The following GATAD1 variants were observed in gnomAD, a reference collection of about 807,000 sequenced individuals.
The protein encoded by GATAD1 is GATA zinc finger domain-containing protein 1.
A neutral mutation model predicts 26.5 loss-of-function variants in GATAD1; 12 were observed. The observed-to-expected ratio is 0.45, with a 90% CI of 0.29 to 0.73. The LOEUF is 0.73. Among genes scored for constraint, GATAD1 ranks in the 30% least tolerant of loss-of-function variants. The pLI is 0.10. For missense variants in GATAD1, 266 were observed against 342.1 expected (o/e 0.78, Z 1.75); for synonymous variants, 129 against 133.1 (o/e 0.97, Z 0.21).
chr7:92,457,476 CAAAA>C lies in GATAD1; in HGVS notation c.*917_*920del, dbSNP rs1266227526. The C allele has an allele frequency of 1.3e-5, 2 of 151,902 alleles. No individual in the cohort carries two copies. The highest frequency in any genetic ancestry group is 2.9e-5 in the Non-Finnish European group (2 of 67,972). The allele number at this position is 151,902 out of a possible 1,614,324, so 9.4% of individuals were successfully genotyped here. A position where few individuals can be genotyped will look rare whatever the true frequency, so the allele number is the denominator to read the frequency against. On this transcript the variant is annotated 3_prime_UTR_variant, in exon 5 of 5. Transcript: ENST00000287957. ...CAAGACTCCGTCTCAAAGAAACAAA[CAAAA>C]AATTAAAAGGGATAGAATATAATGA...
Position 92,456,429 on chromosome 7 carries a change from C to T in GATAD1, c.677C>T (p.Pro226Leu). The T allele has an allele frequency of 1.2e-6, 2 of 1,613,034 alleles. No individual in the cohort carries two copies. Among genetic ancestry groups the T allele is most frequent in the Non-Finnish European group, 1.7e-6 (2 of 1,179,012 alleles). The change falls in exon 5 of 5, where the codon CCT (proline) becomes CTT (leucine). Residue 226 changes from proline to leucine, a missense_variant. Physicochemically the swap from Pro to Leu is moderately conservative, Grantham distance 98 (BLOSUM62 -3). Coordinates refer to ENST00000287957, the MANE Select transcript of GATAD1 (RefSeq NM_021167.5). ...TACTTGGAATTTGTTTGTCATGCAC[C>T]TTCTGAGTATTTCAAGTCACGGTCA... ...MEYLEFVCHA[P>L]SEYFKSRSSP... is the part of the protein sequence containing the mutation.
At position 92,447,773 on chromosome 7, in the gene GATAD1, C is replaced by T. The variant is rs765561661; in HGVS notation, c.44C>T (p.Thr15Met). The T allele has an allele frequency of 8.0e-6, 12 of 1,498,518 alleles. No individual in the cohort carries two copies. In the South Asian group the frequency reaches 1.5e-4, roughly 19 times the overall value. The allele number at this position is 1,498,518 out of a possible 1,614,324, so 92.8% of individuals were successfully genotyped here. The change falls in exon 1 of 5, where the codon ACG (threonine) becomes ATG (methionine). Residue 15 changes from threonine to methionine, a missense_variant. Physicochemically the swap from Thr to Met is moderately conservative, Grantham distance 81 (BLOSUM62 -1). Transcript: ENST00000287957. Reference protein sequence around the residue: ...LKPTCSVCKTTSSSMWKKGAQ... With the variant: ...LKPTCSVCKTMSSSMWKKGAQ... ...CCCACCTGCAGCGTATGCAAGACCA[C>T]GTCGTCCTCCATGTGGAAGAAGGGA...
In GATAD1 at chr7:92,451,559, T is replaced by G. The variant is rs117567379; in HGVS notation, c.435+799T>G. On this transcript the variant is annotated intron_variant, in intron 3 of 4. Transcript: ENST00000287957. Reference sequence around the variant, plus strand: ...CAAGTGATGATGCCCTTAAGTATACTTTTTTTTAAGCCCACAATCTATATA... The same window carrying G: ...CAAGTGATGATGCCCTTAAGTATACGTTTTTTTAAGCCCACAATCTATATA... 4.9e-4 allele frequency among the ~76,000 whole-genome samples: 75 copies of G among 152,102 alleles called. 1 individual carries two copies. The East Asian group carries it at 9.4e-3, about 19-fold the overall frequency.
chr7:92,495,321 GA>G, the GATAD1 span, among the ~76,000 whole-genome samples: 2 of 151,938 alleles, frequency 1.3e-5, no homozygotes, highest in Non-Finnish European at 2.9e-5. Context: ...CACGGTGATT[GA>G]AAAAAATCAA....
the GATAD1 span, among the ~76,000 whole-genome samples, chr7:92,489,140 G>A: frequency 1.3e-5 from 2 of 152,174 alleles, no homozygotes; most frequent in African/African-American, 4.8e-5. Flanking sequence ...ACATTTTGGG[G>A]TTTTTTAATG....
At chr7:92,494,733 T>C in the GATAD1 span, 78 of 696,354 alleles carry the variant, frequency 1.1e-4, no homozygotes, top group Middle Eastern at 1.4e-3. Flanking sequence ...TTTATATATA[T>C]TTATATACTT....
intron 2 of GATAD1, 40 bp downstream of exon 2, chr7:92,448,917 T>C: frequency 6.3e-7 from 1 of 1,587,514 alleles, no homozygotes; most frequent in Non-Finnish European, 8.7e-7. Flanking sequence ...TGTAATGACG[T>C]TGTGTGTATC....
rs1469340286 is a variant in GATAD1 at position 92,458,637 on chromosome 7, GA to G, written c.*2076del. The G allele has an allele frequency of 6.6e-6, 1 of 152,164 alleles. No homozygotes were observed. The highest frequency in any genetic ancestry group is 2.4e-5 in the African/African-American group (1 of 41,438). The allele number at this position is 152,164 out of a possible 1,614,324, so 9.4% of individuals were successfully genotyped here. On this transcript the variant is annotated 3_prime_UTR_variant, in exon 5 of 5. Transcript: ENST00000287957. ...TTGCAGAATCTAAGTTGATTGTAAT[GA>G]TTTTGAGCTGCAGCAGCTTTAACTC...
the GATAD1 span, chr7:92,489,986 A>T: frequency 8.9e-7 from 1 of 1,127,812 alleles, no homozygotes; most frequent in Middle Eastern, 2.3e-4. Context: ...ACCAAATATA[A>T]AAATTAAACA....
chr7:92,491,692 G>A, the GATAD1 span: 1 of 558,460 alleles, frequency 1.8e-6, no homozygotes, highest in Non-Finnish European at 3.2e-6. Flanking sequence ...ATAAAGACAA[G>A]ATAGAATGTG....
the GATAD1 span, among the ~76,000 whole-genome samples, chr7:92,477,140 G>C: frequency 6.6e-6 from 1 of 152,174 alleles, no homozygotes; most frequent in Non-Finnish European, 1.5e-5. Flanking sequence ...TCTGCCTCTA[G>C]TCGGCCCTCG....
chr7:92,474,462 A>C, the GATAD1 span: 1 of 152,160 alleles, frequency 6.6e-6, no homozygotes, highest in African/African-American at 2.4e-5. Flanking sequence ...ACTTCTTCCT[A>C]GTTTTCCTTA....
intron 2 of GATAD1, chr7:92,449,432 G>T (rs1462075248): frequency 2.0e-5 from 20 of 980,448 alleles, no homozygotes; most frequent in Middle Eastern, 5.2e-4. Flanking sequence ...ACCTGTGCTG[G>T]AAGTAGTTGA....
the GATAD1 span, among the ~76,000 whole-genome samples, chr7:92,495,666 C>T: frequency 4.0e-5 from 6 of 151,866 alleles, no homozygotes; most frequent in African/African-American, 7.3e-5. Flanking sequence ...CCTTTTTATC[C>T]CTAAAATTGT....
At chr7:92,469,386 T>A in the GATAD1 span, 2 of 770,550 alleles carry the variant, frequency 2.6e-6, no homozygotes, top group Admixed American at 3.4e-5. Flanking sequence ...CAGTACCTAG[T>A]GCACCTAGCA....
At chr7:92,450,415 TTATGTG>T in intron 2 of GATAD1, 1 of 383,122 alleles carries the variant, frequency 2.6e-6, no homozygotes, top group East Asian at 5.2e-5. Context: ...ACTGGAATGT[TTATGTG>T]TAGTGAAGCT....
Position 92,456,362 on chromosome 7 carries a change from T to A in GATAD1, c.620-10T>A. ...AAATGTATTTAACCTTTCCCTTGGC[T>A]GCCTTCCAGGGCCAGAGGAAGATCT... On this transcript the variant is annotated splice_polypyrimidine_tract_variant and intron_variant, in intron 4 of 4. Coordinates refer to ENST00000287957, the MANE Select transcript of GATAD1 (RefSeq NM_021167.5). 1 of 1,582,244 alleles carries A rather than the reference T, an allele frequency of 6.3e-7. No individual in the cohort carries two copies. The highest frequency in any genetic ancestry group is 8.6e-7 in the Non-Finnish European group (1 of 1,156,772).
chr7:92,487,551 G>T, the GATAD1 span: 1 of 1,379,636 alleles, frequency 7.2e-7, no homozygotes, highest in African/African-American at 1.4e-5. Flanking sequence ...TCTGAAAAAA[G>T]AAAGAGATAA....
chr7:92,476,877 A>T, the GATAD1 span, among the ~76,000 whole-genome samples: 1 of 152,192 alleles, frequency 6.6e-6, no homozygotes, highest in African/African-American at 2.4e-5. Context: ...GAGCTTCCTT[A>T]GATCCCTTTG....
Sources: gnomAD v4.1 joint callset for allele counts (sites outside exome capture counted in the v4.1 genomes callset) on GRCh38, gnomAD v4.1.1 for gene constraint, MANE v1.5 for transcripts, NCBI Gene and HGNC (gene_info 2026-07-23, HGNC 2026-07-21) for gene names.